The following EPN2 variants were observed in gnomAD, a reference collection of about 807,000 sequenced individuals.
The protein encoded by EPN2 is epsin-2.
Under a neutral mutation model 61.7 loss-of-function variants are expected in EPN2, and 34 were observed. That is an observed-to-expected ratio of 0.55 (90% CI 0.42 to 0.73). The LOEUF (loss-of-function observed/expected upper bound fraction) is 0.73. Among genes scored for constraint, EPN2 ranks in the 30% least tolerant of loss-of-function variants. The probability of loss-of-function intolerance (pLI) is 0.00; values close to 1 mark genes in which losing one functional copy is unlikely to be tolerated. For synonymous variants in EPN2, 349 were observed against 353.6 expected, an observed-to-expected ratio of 0.99 and a Z score of 0.15; for missense variants, 714 against 839.2, an observed-to-expected ratio of 0.85 and a Z score of 1.84.
intron 1 of EPN2, among the ~76,000 whole-genome samples, chr17:19,242,404 CAG>C (rs1299587975): frequency 6.6e-6 from 1 of 152,170 alleles, no homozygotes; most frequent in Non-Finnish European, 1.5e-5. Flanking sequence ...GCCTGGGTGA[CAG>C]AGCAAGACTC....
intron 7 of EPN2, among the ~76,000 whole-genome samples, chr17:19,322,720 A>G (rs932344555): frequency 6.6e-6 from 1 of 150,448 alleles, no homozygotes; most frequent in Non-Finnish European, 1.5e-5. Context: ...AGCCTAGGTG[A>G]CAGAGCAAGA....
chr17:19,325,004 C>T (rs1427156204), intron 7 of EPN2, among the ~76,000 whole-genome samples: 1 of 151,988 alleles, frequency 6.6e-6, no homozygotes, highest in African/African-American at 2.4e-5. Context: ...AATCCAAAAA[C>T]TTAGATAAAA....
At chr17:19,280,170 G>T (rs968249945) in intron 1 of EPN2, among the ~76,000 whole-genome samples, 4 of 151,400 alleles carry the variant, frequency 2.6e-5, no homozygotes, top group Admixed American at 1.3e-4. Context: ...TCCTAGCTCT[G>T]CCCACTTCTC....
At chr17:19,295,242 T>C (rs1250843586) in intron 4 of EPN2, among the ~76,000 whole-genome samples, 2 of 152,132 alleles carry the variant, frequency 1.3e-5, no homozygotes, top group Admixed American at 6.5e-5. Context: ...ACTTCATGCA[T>C]GAGTGCTAAA....
chr17:19,300,100 A>G (rs944436747), intron 4 of EPN2, among the ~76,000 whole-genome samples: 1 of 152,168 alleles, frequency 6.6e-6, no homozygotes, highest in Admixed American at 6.5e-5. Flanking sequence ...TAGCTGCCCC[A>G]TGGTTCCGTG....
chr17:19,295,360 A>ACGCGCGCGCGCGCGCGCGCG, intron 4 of EPN2, among the ~76,000 whole-genome samples: 1 of 69,416 alleles, frequency 1.4e-5, no homozygotes, highest in East Asian at 3.0e-4. Flanking sequence ...ACACACACAC[A>ACGCGCGCGCGCGCGCGCGCG]CACACACGCG....
intron 1 of EPN2, among the ~76,000 whole-genome samples, chr17:19,248,043 G>T (rs1305118324): frequency 6.6e-6 from 1 of 152,200 alleles, no homozygotes; most frequent in Non-Finnish European, 1.5e-5. Context: ...CTCATAGTCT[G>T]TGTGGGTTGA....
intron 4 of EPN2, among the ~76,000 whole-genome samples, chr17:19,293,335 A>G (rs974100327): frequency 4.1e-5 from 6 of 146,008 alleles, no homozygotes; most frequent in African/African-American, 1.5e-4. Context: ...AGCCGAGATC[A>G]CTCCAGCCTG....
chr17:19,335,135 A>G lies in EPN2; in HGVS notation c.*881A>G, dbSNP rs1023147510. On this transcript the variant is annotated 3_prime_UTR_variant, in exon 11 of 11. Transcript: ENST00000314728. ...AAAGCAAATTCTTTATAGGAAGAAAATATGGGAATTTGATTACACATAGAT... is the reference window on the plus strand; with the variant it reads ...AAAGCAAATTCTTTATAGGAAGAAAGTATGGGAATTTGATTACACATAGAT... 3 of 280,584 alleles carry G rather than the reference A, an allele frequency of 1.1e-5. No individual in the cohort carries two copies. Among genetic ancestry groups the G allele is most frequent in the Non-Finnish European group, 2.0e-5 (3 of 152,092 alleles). The allele number at this position is 280,584 out of a possible 1,614,324, so 17.4% of individuals were successfully genotyped here.
Position 19,302,877 on chromosome 17 carries a change from G to A in EPN2, c.767-7008G>A, listed in dbSNP as rs113838872. ...AGCCCAGGCATGGACTTGAGGGCCC[G>A]TGCTCTCGTCTGCCACACTGGGCTG... is the stretch of plus-strand genomic sequence containing the variant. On this transcript the variant is annotated intron_variant, in intron 4 of 10. Transcript: ENST00000314728. Among the ~76,000 whole-genome samples the A allele has an allele frequency of 6.2e-4, 94 of 152,296 alleles. 1 individual carries two copies. Among genetic ancestry groups the A allele is most frequent in the African/African-American group, 2.0e-3 (84 of 41,570 alleles).
At chr17:19,311,435 A>G (rs1906133021) in intron 5 of EPN2, among the ~76,000 whole-genome samples, 1 of 152,160 alleles carries the variant, frequency 6.6e-6, no homozygotes, top group Admixed American at 6.5e-5. Context: ...CAGCCTGGGT[A>G]ATACCATGAG....
At chr17:19,263,424 G>C (rs2053293067) in intron 1 of EPN2, among the ~76,000 whole-genome samples, 1 of 152,200 alleles carries the variant, frequency 6.6e-6, no homozygotes, top group Non-Finnish European at 1.5e-5. Flanking sequence ...ACGTGGGTTG[G>C]CCTTGAAAGC....
intron 4 of EPN2, among the ~76,000 whole-genome samples, chr17:19,289,272 G>A (rs1052671649): frequency 1.3e-5 from 2 of 151,844 alleles, no homozygotes; most frequent in South Asian, 4.2e-4. Flanking sequence ...TTTTAGTAGA[G>A]ATGAGGTTTC....
At chr17:19,314,082 T>C (rs949290473) in intron 7 of EPN2, among the ~76,000 whole-genome samples, 6 of 152,202 alleles carry the variant, frequency 3.9e-5, no homozygotes, top group Non-Finnish European at 5.9e-5. Flanking sequence ...CCGTCTCTTG[T>C]GTTTAACTCG....
chr17:19,283,290 G>T lies in EPN2; in HGVS notation c.171G>T (p.Met57Ile), dbSNP rs2152217465. ...ACGTGGTGGCCTTCTCGGAGATCAT[G>T]AGCATGGTGTGGAAGCGGCTGAATG... is the stretch of plus-strand genomic sequence containing the variant. ...TYNVVAFSEI[M>I]SMVWKRLNDH... is the part of the protein sequence containing the mutation. The change falls in exon 3 of 11, where the codon ATG becomes ATT. Residue 57 changes from methionine to isoleucine, a missense_variant. Transcript: ENST00000314728. The surrounding 1 kb of genome is among the most constrained non-coding windows in gnomAD (Gnocchi z 7.0). The T allele has an allele frequency of 6.2e-7, 1 of 1,614,166 alleles. No individual in the cohort carries two copies. The highest frequency in any genetic ancestry group is 1.3e-5 in the African/African-American group (1 of 75,036).
intron 7 of EPN2, among the ~76,000 whole-genome samples, chr17:19,326,536 A>G (rs954238066): frequency 6.6e-6 from 1 of 151,920 alleles, no homozygotes; most frequent in African/African-American, 2.4e-5. Flanking sequence ...AAATACAAAA[A>G]ATAAGCTGGG....
In EPN2 at chr17:19,334,225, A is replaced by G. The variant is rs1249218260; in HGVS notation, c.1897A>G (p.Thr633Ala). The G allele has an allele frequency of 6.7e-7, 1 of 1,495,114 alleles. No homozygotes were observed. The highest frequency in any genetic ancestry group is 2.5e-5 in the East Asian group (1 of 40,178). The allele number at this position is 1,495,114 out of a possible 1,614,324, so 92.6% of individuals were successfully genotyped here. Residue 633 changes from threonine (T) to alanine (A), a missense_variant, in exon 11 of 11, where the codon ACT becomes GCT. Thr to Ala is a moderately conservative substitution (Grantham distance 58). Around this residue, in one of 2 missense-constraint regions of EPN2, gnomAD observed 410 missense variants for 421.8 expected, o/e 0.97. Transcript: ENST00000314728. This position sits in a 1 kb window ranked among gnomAD's most constrained non-coding sequence, Gnocchi z 4.9. Reference protein sequence around the residue: ...VGIPPSAAQATGTTNPFLL With the variant: ...VGIPPSAAQAAGTTNPFLL ...TATACCCCCATCAGCAGCCCAGGCC[A>G]CTGGCACAACCAACCCTTTCCTTCT...
chr17:19,247,687 G>A (rs1337949813), intron 1 of EPN2, among the ~76,000 whole-genome samples: 1 of 151,246 alleles, frequency 6.6e-6, no homozygotes, highest in Non-Finnish European at 1.5e-5. Flanking sequence ...CTTGGGGTTT[G>A]GTTTTCTGGG....
intron 1 of EPN2, among the ~76,000 whole-genome samples, chr17:19,244,460 A>G (rs2044923016): frequency 6.6e-6 from 1 of 151,108 alleles, no homozygotes; most frequent in Non-Finnish European, 1.5e-5. Context: ...CTCTTCTCAA[A>G]AAAAAAAAAA....
Sources: allele counts gnomAD v4.1 joint callset (sites outside exome capture counted in the v4.1 genomes callset), GRCh38; gene constraint gnomAD v4.1.1; regional missense constraint gnomAD v4.1.1; non-coding constraint Gnocchi (gnomAD v3.1); transcripts MANE v1.5; gene names NCBI Gene and HGNC (gene_info 2026-07-23, HGNC 2026-07-21).